ARHGEF12: variants seen among roughly 807,000 people sequenced by gnomAD.
ARHGEF12 encodes the protein Rho guanine nucleotide exchange factor 12, also known as KMT2A/ARHGEF12 fusion protein.
Under a neutral mutation model 211.2 loss-of-function variants are expected in ARHGEF12, and 66 were observed. The ratio of observed to expected loss-of-function variants is 0.31; its 90% CI spans 0.26 to 0.38. The LOEUF (loss-of-function observed/expected upper bound fraction) is 0.38, where lower values mean the gene tolerates loss of function less well. Ranked by LOEUF, ARHGEF12 falls within the 10% of genes least tolerant of loss-of-function variation. The pLI, the probability that ARHGEF12 is intolerant of heterozygous loss-of-function variation, is 1.00. For synonymous variants in ARHGEF12, 592 were observed against 638.4 expected (o/e 0.93, Z 1.09); for missense variants, 1,429 against 1,869.5 (o/e 0.76, Z 4.34).
chr11:120,440,148 G>T lies in ARHGEF12; in HGVS notation c.1019G>T (p.Gly340Val). The change falls in exon 13 of 41, where the codon GGA becomes GTA. Residue 340 changes from glycine to valine, a missense_variant. Physicochemically the swap from Gly to Val is moderately radical, Grantham distance 109. Coordinates refer to ENST00000397843, the MANE Select transcript of ARHGEF12 (RefSeq NM_015313.3). ...IQDTDTQSLV[G>V]SPSTRIAPHI... The stretch of plus-strand genomic sequence containing the variant: ...TGCCAGGACACTCAATCACTTGTCG[G>T]AAGTCCCTCAACCCGTATAGCACCT... 1 of 1,612,946 alleles carries T rather than the reference G, an allele frequency of 6.2e-7. No homozygotes were observed. Among genetic ancestry groups the T allele is most frequent in the South Asian group, 1.1e-5 (1 of 90,828 alleles).
At chr11:120,437,826 T>C (rs1945740972) in intron 12 of ARHGEF12, among the ~76,000 whole-genome samples, 1 of 152,180 alleles carries the variant, frequency 6.6e-6, no homozygotes, top group Non-Finnish European at 1.5e-5. Flanking sequence ...AATGATACAA[T>C]GTTTATCCGT....
At chr11:120,372,468 T>C (rs1434797180) in intron 1 of ARHGEF12, among the ~76,000 whole-genome samples, 1 of 152,218 alleles carries the variant, frequency 6.6e-6, no homozygotes, top group Non-Finnish European at 1.5e-5. Context: ...CAAAGTTCTT[T>C]CTGACAAGCC....
rs886217129 is a variant in ARHGEF12, at chr11:120,429,942, G to A, written c.783+111G>A. Reference sequence around the variant, plus strand: ...TTTTAAAGTTATTTTTCTAGCGTAGGACAACAGGATGTCCTGTTAAGGATG... The same window carrying A: ...TTTTAAAGTTATTTTTCTAGCGTAGAACAACAGGATGTCCTGTTAAGGATG... On this transcript the variant is annotated intron_variant, in intron 10 of 40. Transcript: ENST00000397843. The A allele has an allele frequency of 5.7e-6, 7 of 1,220,714 alleles. No individual in the cohort carries two copies. In the East Asian group the frequency reaches 1.5e-4, roughly 26 times the overall value. 75.6% of individuals were successfully genotyped at this position (1,220,714 alleles called of 1,614,324 possible).
intron 7 of ARHGEF12, among the ~76,000 whole-genome samples, chr11:120,425,339 G>T (rs1375434067): frequency 2.0e-4 from 28 of 142,180 alleles, no homozygotes; most frequent in Non-Finnish European, 3.0e-4. Context: ...TGTTTTCTTG[G>T]TTTTTTTTTT....
chr11:120,342,470 G>A (rs1307405153), intron 1 of ARHGEF12, among the ~76,000 whole-genome samples: 4 of 152,114 alleles, frequency 2.6e-5, no homozygotes, highest in African/African-American at 4.8e-5. Context: ...GTTTCAGACG[G>A]TTATTCATTA....
intron 40 of ARHGEF12, 128 bp from the exon 41 acceptor site, chr11:120,484,939 A>G: frequency 1.0e-6 from 1 of 952,818 alleles, no homozygotes; most frequent in South Asian, 1.6e-5. Flanking sequence ...AGCAGTTTAT[A>G]CTCATCTGCT....
chr11:120,337,752 T>C (rs1942398675), intron 1 of ARHGEF12: 1 of 985,320 alleles, frequency 1.0e-6, no homozygotes, highest in African/African-American at 1.7e-5. Flanking sequence ...CTTGATCTCT[T>C]TCAGATGTTG....
intron 30 of ARHGEF12, among the ~76,000 whole-genome samples, chr11:120,471,063 A>T (rs369799396): frequency 2.0e-5 from 3 of 152,236 alleles, no homozygotes; most frequent in Non-Finnish European, 2.9e-5. Context: ...TAACTTTAGT[A>T]GGAACACCAA....
chr11:120,438,655 GACTCTCAAATCAT>G (rs879300028), intron 12 of ARHGEF12: 7 of 152,236 alleles, frequency 4.6e-5, no homozygotes, highest in Admixed American at 4.6e-4. Flanking sequence ...CTGTGCAAAT[GACTCTCAAATCAT>G]AGGCCTACCC....
In ARHGEF12 at chr11:120,481,430, T is replaced by C. The variant is rs1352608148; in HGVS notation, c.4408T>C (p.Phe1470Leu). The C allele has an allele frequency of 6.2e-7, 1 of 1,614,192 alleles. No individual in the cohort carries two copies. The highest frequency in any genetic ancestry group is 1.7e-5 in the Admixed American group (1 of 60,024). Reference protein sequence around the residue: ...NTHSDGAISPFTPEFLVQQRW... With the variant: ...NTHSDGAISPLTPEFLVQQRW... ...TCACTCCGATGGGGCAATTTCACCA[T>C]TCACCCCCGAATTTCTGGTCCAGCA... Residue 1470 changes from phenylalanine to leucine, a missense_variant, in exon 39 of 41, where the codon TTC becomes CTC. By Grantham distance (22) the Phe-to-Leu change is conservative. Coordinates refer to ENST00000397843, the MANE Select transcript of ARHGEF12 (RefSeq NM_015313.3).
chr11:120,371,065 A>G (rs773250981), intron 1 of ARHGEF12, among the ~76,000 whole-genome samples: 2 of 152,174 alleles, frequency 1.3e-5, no homozygotes, highest in African/African-American at 2.4e-5. Context: ...TATACTGTCT[A>G]CCTCACAGAA....
chr11:120,375,080 T>G (rs1943690363), intron 1 of ARHGEF12, among the ~76,000 whole-genome samples: 1 of 152,206 alleles, frequency 6.6e-6, no homozygotes, highest in Non-Finnish European at 1.5e-5. Flanking sequence ...GAGAGAAGAC[T>G]TAATTTAAAC....
In ARHGEF12 at chr11:120,431,902, C is replaced by T; in HGVS notation, c.915C>T (p.Asp305=). The change falls in exon 11 of 41, where the codon GAC becomes GAT. Residue 305 remains aspartate (D), a synonymous_variant. Transcript: ENST00000397843. ...GAGATGCTTCTCGGCCCAGTAGTGA[C>T]AATGCAGATGTAAGCTTTCAGTTTT... ...SSGDASRPSS[D]NADSPKSGPK... is the part of the protein sequence containing the mutation. The T allele has an allele frequency of 1.3e-6, 2 of 1,599,494 alleles. No individual in the cohort carries two copies. The highest frequency in any genetic ancestry group is 1.7e-4 in the Middle Eastern group (1 of 5,992).
intron 33 of ARHGEF12, chr11:120,476,239 T>A (rs1947024419): frequency 6.4e-6 from 1 of 155,888 alleles, no homozygotes; most frequent in Non-Finnish European, 1.4e-5. Context: ...ACCTGGCTAA[T>A]TTTTTTGTTT....
rs116659022 is a variant in ARHGEF12 at position 120,429,898 on chromosome 11, A to T, written c.783+67A>T. 2.1e-3 allele frequency: 3,256 copies of T among 1,537,094 alleles called. 55 individuals carry two copies. The African/African-American group carries it at 0.04, about 19-fold the overall frequency. On this transcript the variant is annotated intron_variant, in intron 10 of 40. Coordinates refer to ENST00000397843, the MANE Select transcript of ARHGEF12 (RefSeq NM_015313.3). ...GAATTTTCTTCTGGGAATGTGTCAG[A>T]GAATGTTGCAGTTGCCTTTTTTAAA...
chr11:120,403,742 G>A (rs183871924), intron 1 of ARHGEF12, among the ~76,000 whole-genome samples: 48 of 152,244 alleles, frequency 3.2e-4, no homozygotes, highest in Admixed American at 3.1e-3. Context: ...GTTTCATTAG[G>A]CACCTGTAAC....
intron 3 of ARHGEF12, chr11:120,408,478 A>C (rs1212372835): frequency 6.6e-6 from 1 of 152,080 alleles, no homozygotes; most frequent in East Asian, 1.9e-4. Flanking sequence ...ATTCATAGAA[A>C]GTGCTTGGTA....
chr11:120,414,930 C>T (rs1044513470), intron 4 of ARHGEF12, among the ~76,000 whole-genome samples: 5 of 152,114 alleles, frequency 3.3e-5, no homozygotes, highest in African/African-American at 1.2e-4. Context: ...CTTTTTATAC[C>T]AGTCTCACTG....
At chr11:120,402,722 T>A (rs1944578406) in intron 1 of ARHGEF12, among the ~76,000 whole-genome samples, 1 of 152,196 alleles carries the variant, frequency 6.6e-6, no homozygotes, top group African/African-American at 2.4e-5. Context: ...TATCAGCATT[T>A]CTTCTCATAT....
Sources: gnomAD v4.1 joint callset for allele counts (sites outside exome capture counted in the v4.1 genomes callset) on GRCh38, gnomAD v4.1.1 for gene constraint, MANE v1.5 for transcripts, NCBI Gene and HGNC (gene_info 2026-07-23, HGNC 2026-07-21) for gene names.